The following TMEM132D variants were observed in gnomAD, a reference collection of about 807,000 sequenced individuals.
TMEM132D encodes the protein mature OL transmembrane protein.
A neutral mutation model predicts 62.3 loss-of-function variants in TMEM132D; 21 were observed. The observed-to-expected ratio is 0.34, with a 90% CI of 0.24 to 0.49. The LOEUF (loss-of-function observed/expected upper bound fraction) is 0.49, where lower values mean the gene tolerates loss of function less well. Among genes scored for constraint, TMEM132D ranks in the 20% least tolerant of loss-of-function variants. The probability of loss-of-function intolerance (pLI) is 0.99; values close to 1 mark genes in which losing one functional copy is unlikely to be tolerated. For synonymous variants in TMEM132D, 621 were observed against 575.6 expected (o/e 1.08, Z -1.13); for missense variants, 1,346 against 1,402.8 (o/e 0.96, Z 0.65).
At chr12:129,430,667 T>C (rs551268052) in intron 3 of TMEM132D, among the ~76,000 whole-genome samples, 1 of 152,198 alleles carries the variant, frequency 6.6e-6, no homozygotes, top group South Asian at 2.1e-4. Flanking sequence ...TTCTCATCTG[T>C]GAAATGGTGA....
intron 3 of TMEM132D, among the ~76,000 whole-genome samples, chr12:129,404,580 T>A (rs905133734): frequency 1.3e-5 from 2 of 152,178 alleles, no homozygotes; most frequent in Non-Finnish European, 2.9e-5. Context: ...CACCAGCATC[T>A]GCTCCTGTGG....
intron 3 of TMEM132D, among the ~76,000 whole-genome samples, chr12:129,450,865 T>TC (rs1385367551): frequency 3.4e-5 from 5 of 149,044 alleles, no homozygotes; most frequent in Non-Finnish European, 1.5e-5. Flanking sequence ...CAAGCAATTC[T>TC]CTGCCTCAGC....
intron 4 of TMEM132D, among the ~76,000 whole-genome samples, chr12:129,303,965 G>C (rs768657600): frequency 1.1e-4 from 17 of 152,300 alleles, no homozygotes; most frequent in South Asian, 2.1e-4. Context: ...CTCCACCTTT[G>C]TGTTCTGCTT....
At chr12:129,099,160 C>T (rs1399932097) in intron 5 of TMEM132D, among the ~76,000 whole-genome samples, 1 of 152,180 alleles carries the variant, frequency 6.6e-6, no homozygotes, top group Non-Finnish European at 1.5e-5. Context: ...TTGAATTTCT[C>T]TAAAAATCAT....
chr12:129,790,984 A>G (rs1407753787), intron 1 of TMEM132D, among the ~76,000 whole-genome samples: 1 of 152,260 alleles, frequency 6.6e-6, no homozygotes, highest in Non-Finnish European at 1.5e-5. Context: ...AAAGCTGGCA[A>G]TTGTCAGAGA....
chr12:129,102,933 C>A (rs2135637367), intron 5 of TMEM132D, among the ~76,000 whole-genome samples: 1 of 152,318 alleles, frequency 6.6e-6, no homozygotes, highest in Non-Finnish European at 1.5e-5. Flanking sequence ...TAACCAGAAG[C>A]AGAGTGTGGC....
At chr12:129,602,911 G>T (rs996390884) in intron 2 of TMEM132D, among the ~76,000 whole-genome samples, 1 of 152,158 alleles carries the variant, frequency 6.6e-6, no homozygotes, top group Non-Finnish European at 1.5e-5. Context: ...ATGGAGAGGT[G>T]CTGAGCAAAA....
In TMEM132D at chr12:129,082,032, C is replaced by T. The variant is rs1176352179; in HGVS notation, c.1650G>A (p.Arg550=). The T allele has an allele frequency of 6.3e-7, 1 of 1,599,162 alleles. No homozygotes were observed. Among genetic ancestry groups the T allele is most frequent in the South Asian group, 1.1e-5 (1 of 89,544 alleles). Residue 550 remains arginine, a splice_region_variant and synonymous_variant, in exon 7 of 9, where the codon AGG becomes AGA. Coordinates refer to ENST00000422113, the MANE Select transcript of TMEM132D (RefSeq NM_133448.3). ...CCTCCTCTTCACTGTCCCCGGCAGG[C>T]CTGTGAAAGAAGCAGTGCAGTTTGC... is the stretch of plus-strand genomic sequence containing the variant. ...GWRVPIVSSR[R]PAGDSEEEED...
intron 1 of TMEM132D, among the ~76,000 whole-genome samples, chr12:129,765,890 G>C (rs1424028593): frequency 6.6e-6 from 1 of 152,156 alleles, no homozygotes; most frequent in Non-Finnish European, 1.5e-5. Flanking sequence ...GAAGCGGCAC[G>C]TGCTAGGAAG....
intron 2 of TMEM132D, among the ~76,000 whole-genome samples, chr12:129,583,203 G>C (rs753056280): frequency 4.6e-5 from 7 of 152,170 alleles, no homozygotes; most frequent in Non-Finnish European, 7.4e-5. Flanking sequence ...AATAATTCTT[G>C]GCACGTGGTA....
At position 129,550,523 on chromosome 12, in the gene TMEM132D, T is replaced by C. The variant is rs552344341; in HGVS notation, c.969-19318A>G. Among the ~76,000 whole-genome samples the C allele has an allele frequency of 4.6e-5, 7 of 152,312 alleles. No individual in the cohort carries two copies. In the South Asian group the frequency reaches 1.5e-3, roughly 32 times the overall value. Reference sequence around the variant, plus strand: ...GCATCTTGGCACTTAGCAGCCCACATGCTCTAATGCGGTGATTTGTCAGAA... The same window carrying C: ...GCATCTTGGCACTTAGCAGCCCACACGCTCTAATGCGGTGATTTGTCAGAA... On this transcript the variant is annotated intron_variant, in intron 2 of 8. Coordinates refer to ENST00000422113, the MANE Select transcript of TMEM132D (RefSeq NM_133448.3).
chr12:129,444,844 G>T (rs908365307), intron 3 of TMEM132D, among the ~76,000 whole-genome samples: 1 of 152,214 alleles, frequency 6.6e-6, no homozygotes, highest in Non-Finnish European at 1.5e-5. Context: ...ATGCTGGAGA[G>T]GTTGTGGAGA....
intron 1 of TMEM132D, among the ~76,000 whole-genome samples, chr12:129,746,722 C>G (rs1039760494): frequency 6.6e-6 from 1 of 152,014 alleles, no homozygotes; most frequent in Non-Finnish European, 1.5e-5. Context: ...ACCTTTTATA[C>G]CCTACAGAAG....
rs1304522670 is a variant in TMEM132D, at chr12:129,169,044, C to A, written c.1443+40476G>T. On this transcript the variant is annotated intron_variant, in intron 5 of 8. Transcript: ENST00000422113. Reference sequence around the variant, plus strand: ...ATATACCTTTGCTGAAATCAGGCTGCTTTTTACCCAAATAGCATTTTCGTA... The same window carrying A: ...ATATACCTTTGCTGAAATCAGGCTGATTTTTACCCAAATAGCATTTTCGTA... 1.3e-5 allele frequency among the ~76,000 whole-genome samples: 2 copies of A among 152,164 alleles called. 1 individual carries two copies. Among genetic ancestry groups the A allele is most frequent in the South Asian group, 4.1e-4 (2 of 4,830 alleles).
chr12:129,157,128 C>T (rs1471419489), intron 5 of TMEM132D, among the ~76,000 whole-genome samples: 1 of 152,066 alleles, frequency 6.6e-6, no homozygotes, highest in Non-Finnish European at 1.5e-5. Flanking sequence ...TCTATGATAG[C>T]TAACCCACCC....
chr12:129,515,034 G>A (rs531727185), intron 3 of TMEM132D, among the ~76,000 whole-genome samples: 1 of 152,290 alleles, frequency 6.6e-6, no homozygotes, highest in South Asian at 2.1e-4. Flanking sequence ...ACAGCATGAG[G>A]CCCTTCTGGA....
At chr12:129,534,987 A>G (rs1156420273) in intron 2 of TMEM132D, among the ~76,000 whole-genome samples, 1 of 152,172 alleles carries the variant, frequency 6.6e-6, no homozygotes, top group Non-Finnish European at 1.5e-5. Context: ...TTCCAATTAT[A>G]TAACAAGGGG....
intron 2 of TMEM132D, among the ~76,000 whole-genome samples, chr12:129,540,527 C>A (rs1413908436): frequency 1.3e-5 from 2 of 151,860 alleles, no homozygotes; most frequent in Non-Finnish European, 2.9e-5. Context: ...GCTCTGTCAC[C>A]CAGGCTGGAG....
At chr12:129,486,701 G>T (rs989473826) in intron 3 of TMEM132D, among the ~76,000 whole-genome samples, 15 of 152,158 alleles carry the variant, frequency 9.9e-5, no homozygotes, top group Non-Finnish European at 1.8e-4. Context: ...AGAATGAGGT[G>T]CTTACCTCCA....
Sources: gnomAD v4.1 joint callset for allele counts (sites outside exome capture counted in the v4.1 genomes callset) on GRCh38, gnomAD v4.1.1 for gene constraint, MANE v1.5 for transcripts, NCBI Gene and HGNC (gene_info 2026-07-23, HGNC 2026-07-21) for gene names.